Variants in ARHGAP6 observed in about 807,000 individuals in gnomAD.
The protein encoded by ARHGAP6 is rho GTPase-activating protein 6.
In ARHGAP6, 16 loss-of-function variants were observed where a neutral mutation model predicts 55.7. The observed-to-expected ratio is 0.29, with a 90% CI of 0.19 to 0.44. The LOEUF (loss-of-function observed/expected upper bound fraction) is 0.44, where lower values mean the gene tolerates loss of function less well. ARHGAP6 is among the 20% of genes least tolerant of loss of function. The pLI, the probability that ARHGAP6 is intolerant of heterozygous loss-of-function variation, is 1.00. For missense variants in ARHGAP6, 698 were observed against 808.9 expected (o/e 0.86, Z 1.66); for synonymous variants, 382 against 360.9 (o/e 1.06, Z -0.66).
rs140888717 is a variant in ARHGAP6, at chrX:11,463,115, G to T, written c.588+201126C>A. Reference sequence around the variant, plus strand: ...CCAGTACAGAACTGCAGGATCCAAAGATCACCTGAGCAGAGTGGAAGGTGG... The same window carrying T: ...CCAGTACAGAACTGCAGGATCCAAATATCACCTGAGCAGAGTGGAAGGTGG... On this transcript the variant is annotated intron_variant, in intron 1 of 12. Coordinates refer to ENST00000337414, the MANE Select transcript of ARHGAP6 (RefSeq NM_013427.3). Among the ~76,000 whole-genome samples, 39 of 111,932 alleles carry T rather than the reference G, an allele frequency of 3.5e-4. No individual in the cohort carries two copies. In the East Asian group the frequency reaches 0.01, roughly 30 times the overall value.
intron 1 of ARHGAP6, among the ~76,000 whole-genome samples, chrX:11,630,434 C>T (rs2052348080): frequency 8.9e-6 from 1 of 111,908 alleles, no homozygotes; most frequent in Non-Finnish European, 1.9e-5. Context: ...GATGCCTGGG[C>T]CCTATAAATC....
intron 1 of ARHGAP6, among the ~76,000 whole-genome samples, chrX:11,309,117 T>C (rs1195044351): frequency 8.9e-6 from 1 of 112,002 alleles, no homozygotes. Context: ...ATGTTCACCT[T>C]TTCCAGATGC....
chrX:11,231,050 A>AT (rs2047125243), intron 2 of ARHGAP6, among the ~76,000 whole-genome samples: 1 of 111,625 alleles, frequency 9.0e-6, no homozygotes, highest in Admixed American at 9.5e-5. Flanking sequence ...TTATTTTTTC[A>AT]TTAAGATAAC....
intron 1 of ARHGAP6, among the ~76,000 whole-genome samples, chrX:11,553,435 G>A (rs1371559207): frequency 3.6e-5 from 4 of 110,714 alleles, no homozygotes; most frequent in Non-Finnish European, 7.6e-5. Flanking sequence ...TAGACAGGAG[G>A]TCTCACCATG....
chrX:11,495,843 G>A (rs1199127884), intron 1 of ARHGAP6, among the ~76,000 whole-genome samples: 1 of 112,832 alleles, frequency 8.9e-6, no homozygotes, highest in Admixed American at 9.4e-5. Context: ...TGTCTTGACA[G>A]TTGATTCTGC....
At chrX:11,179,783 T>A (rs1161909125) in intron 6 of ARHGAP6, among the ~76,000 whole-genome samples, 2 of 102,342 alleles carry the variant, frequency 2.0e-5, no homozygotes, top group African/African-American at 3.6e-5. Context: ...TATATATATA[T>A]AAGCATTATT....
chrX:11,560,283 T>C (rs1011713354), intron 1 of ARHGAP6, among the ~76,000 whole-genome samples: 1 of 112,223 alleles, frequency 8.9e-6, no homozygotes, highest in African/African-American at 3.2e-5. Context: ...CAAATGCATA[T>C]GACTGTGTTC....
intron 5 of ARHGAP6, among the ~76,000 whole-genome samples, chrX:11,182,643 T>C (rs1273526879): frequency 4.8e-5 from 5 of 103,311 alleles, no homozygotes; most frequent in Middle Eastern, 4.9e-3. Context: ...TTCTTTTTTT[T>C]TTTTTTTTTT....
At chrX:11,465,590 G>A (rs1246967577) in intron 1 of ARHGAP6, among the ~76,000 whole-genome samples, 2 of 111,912 alleles carry the variant, frequency 1.8e-5, no homozygotes, top group Admixed American at 1.9e-4. Flanking sequence ...TTGGACAGTG[G>A]ATTTTCATTA....
intron 1 of ARHGAP6, among the ~76,000 whole-genome samples, chrX:11,538,252 T>C (rs1168942689): frequency 1.8e-5 from 2 of 112,336 alleles, no homozygotes; most frequent in East Asian, 5.5e-4. Context: ...TAGAGATCAT[T>C]TGAGAAAAAC....
chrX:11,434,280 CCAA>C (rs1240122640), intron 1 of ARHGAP6, among the ~76,000 whole-genome samples: 2 of 112,194 alleles, frequency 1.8e-5, no homozygotes, highest in Non-Finnish European at 3.8e-5. Flanking sequence ...ACCTCTCACA[CCAA>C]CAACACATTT....
At chrX:11,185,562 T>C (rs181928770) in intron 5 of ARHGAP6, among the ~76,000 whole-genome samples, 36 of 112,099 alleles carry the variant, frequency 3.2e-4, no homozygotes, top group Non-Finnish European at 5.4e-4. Context: ...CCCATGTATA[T>C]AAAACACGTG....
chrX:11,482,049 T>A (rs1569361096), intron 1 of ARHGAP6, among the ~76,000 whole-genome samples: 1 of 112,615 alleles, frequency 8.9e-6, no homozygotes, highest in Non-Finnish European at 1.9e-5. Context: ...CCCAGTGTTC[T>A]AAGCCGGTGG....
intron 1 of ARHGAP6, among the ~76,000 whole-genome samples, chrX:11,450,384 C>T (rs941909549): frequency 6.2e-5 from 7 of 112,096 alleles, no homozygotes; most frequent in African/African-American, 1.6e-4. Flanking sequence ...GTCATTTCAA[C>T]GTGCTCAGCT....
At chrX:11,433,996 C>T (rs2049964039) in intron 1 of ARHGAP6, among the ~76,000 whole-genome samples, 2 of 111,836 alleles carry the variant, frequency 1.8e-5, no homozygotes, top group Middle Eastern at 4.6e-3. Flanking sequence ...GTCCCATCCA[C>T]ACCTCCTAGG....
chrX:11,340,434 C>G (rs2048688992), intron 1 of ARHGAP6, among the ~76,000 whole-genome samples: 1 of 111,976 alleles, frequency 8.9e-6, no homozygotes, highest in African/African-American at 3.3e-5. Context: ...TTAACAGTGT[C>G]TAAAATAGAT....
chrX:11,358,485 C>CTTTCTTTCTTTCT (rs755054708), intron 1 of ARHGAP6, among the ~76,000 whole-genome samples: 8 of 39,483 alleles, frequency 2.0e-4, no homozygotes, highest in Non-Finnish European at 3.2e-4. Flanking sequence ...TTCTTTCTTT[C>CTTTCTTTCTTTCT]TTTTTTTTTT....
intron 1 of ARHGAP6, among the ~76,000 whole-genome samples, chrX:11,585,549 C>T (rs768389237): frequency 8.9e-6 from 1 of 112,402 alleles, no homozygotes; most frequent in Non-Finnish European, 1.9e-5. Flanking sequence ...GCTTTTTCTT[C>T]ATATGCTTGT....
In ARHGAP6 at chrX:11,510,374, T is replaced by C. The variant is rs183923099; in HGVS notation, c.588+153867A>G. The stretch of plus-strand genomic sequence containing the variant: ...CTGAATTCATACCCTATGTAGTTTC[T>C]ATCACTAAAGAGGATATTTTCCTGC... On this transcript the variant is annotated intron_variant, in intron 1 of 12. Transcript: ENST00000337414. Among the ~76,000 whole-genome samples, 51 of 111,266 alleles carry C rather than the reference T, an allele frequency of 4.6e-4. 2 individuals carry two copies. In the East Asian group the frequency reaches 7.7e-3, roughly 17 times the overall value.
Sources: allele counts gnomAD v4.1 joint callset (sites outside exome capture counted in the v4.1 genomes callset), GRCh38; gene constraint gnomAD v4.1.1; transcripts MANE v1.5; gene names NCBI Gene and HGNC (gene_info 2026-07-23, HGNC 2026-07-21).